Variants in EML6 observed in about 807,000 individuals in gnomAD.
The protein encoded by EML6 is EMAP like 6, also known as echinoderm microtubule-associated protein-like 6.
Under a neutral mutation model 240.1 loss-of-function variants are expected in EML6, and 154 were observed. That is an observed-to-expected ratio of 0.64 (90% confidence interval 0.56 to 0.73). The LOEUF is 0.73. EML6 is among the 30% of genes least tolerant of loss of function. EML6 has a pLI of 0.00. For missense variants in EML6, 2,964 were observed against 2,474.6 expected (o/e 1.20, Z -4.20); for synonymous variants, 1,148 against 899.0 (o/e 1.28, Z -4.95).
Position 54,951,413 on chromosome 2 carries a change from G to T in EML6, c.4213+634G>T, listed in dbSNP as rs1434570864. On this transcript the variant is annotated intron_variant, in intron 30 of 41. Transcript: ENST00000356458. ...CCAGGCATGGTGGCAGGTGCCTGTAGTCCCAGCTACTCAGGAAGCTGAGGC... is the reference window on the plus strand; with the variant it reads ...CCAGGCATGGTGGCAGGTGCCTGTATTCCCAGCTACTCAGGAAGCTGAGGC... Among the ~76,000 whole-genome samples, 4 of 151,958 alleles carry T rather than the reference G, an allele frequency of 2.6e-5. No homozygotes were observed. In the East Asian group the frequency reaches 5.8e-4, roughly 22 times the overall value.
chr2:54,732,403 C>T (rs1683214848), intron 2 of EML6, among the ~76,000 whole-genome samples: 1 of 152,024 alleles, frequency 6.6e-6, no homozygotes, highest in Non-Finnish European at 1.5e-5. Flanking sequence ...CCTATGTTTT[C>T]TTCTAAGAGT....
At chr2:54,734,562 G>A (rs1683311820) in intron 2 of EML6, among the ~76,000 whole-genome samples, 2 of 152,180 alleles carry the variant, frequency 1.3e-5, no homozygotes, top group Non-Finnish European at 2.9e-5. Flanking sequence ...GGGCGCAGAT[G>A]GAAATGAGGC....
intron 2 of EML6, among the ~76,000 whole-genome samples, chr2:54,809,016 A>G (rs997864544): frequency 2.0e-5 from 3 of 152,228 alleles, no homozygotes; most frequent in African/African-American, 7.2e-5. Flanking sequence ...TTGTTGCCAT[A>G]TATAAAATAC....
intron 11 of EML6, among the ~76,000 whole-genome samples, chr2:54,856,143 G>T (rs1037250603): frequency 6.6e-6 from 1 of 152,142 alleles, no homozygotes; most frequent in Non-Finnish European, 1.5e-5. Flanking sequence ...CTATGTTTAC[G>T]TAGCCAAACC....
intron 24 of EML6, among the ~76,000 whole-genome samples, chr2:54,908,882 A>G (rs1213839135): frequency 6.6e-6 from 1 of 152,070 alleles, no homozygotes; most frequent in Non-Finnish European, 1.5e-5. Flanking sequence ...GAGTATAAAC[A>G]TGACCGCGGG....
Position 54,967,116 on chromosome 2 carries a change from A to T in EML6, c.5597+13A>T, listed in dbSNP as rs1019569223. 1.3e-6 allele frequency: 2 copies of T among 1,532,988 alleles called. No homozygotes were observed. The highest frequency in any genetic ancestry group is 2.8e-5 in the African/African-American group (2 of 72,626). The allele number at this position is 1,532,988 out of a possible 1,614,324, so 95.0% of individuals were successfully genotyped here. On this transcript the variant is annotated intron_variant, in intron 39 of 41. Transcript: ENST00000356458. ...CCTCCTGGACAAGGTGACTGACTGGAAGAAAAAACTTGAGGAAAAGGTCAC... is the reference window on the plus strand; with the variant it reads ...CCTCCTGGACAAGGTGACTGACTGGTAGAAAAAACTTGAGGAAAAGGTCAC...
chr2:54,873,241 T>C (rs952764831), intron 16 of EML6, among the ~76,000 whole-genome samples: 4 of 152,206 alleles, frequency 2.6e-5, no homozygotes, highest in Non-Finnish European at 5.9e-5. Flanking sequence ...TGTAAATTAC[T>C]CTACAAATCT....
chr2:54,895,406 G>C lies in EML6; in HGVS notation c.2982+6G>C, dbSNP rs138835253. On this transcript the variant is annotated splice_donor_region_variant and intron_variant, in intron 21 of 41. Transcript: ENST00000356458. ...CAATGACACTGCTTGTTCAGGTACT[G>C]TTTGTATGTATTCTAAACTGCAGTT... The C allele has an allele frequency of 6.4e-7, 1 of 1,551,714 alleles. No homozygotes were observed. Among genetic ancestry groups the C allele is most frequent in the Non-Finnish European group, 8.7e-7 (1 of 1,146,854 alleles).
rs936586965 is a variant in EML6, at chr2:54,957,846, C to T, written c.4543C>T (p.Arg1515Cys). The T allele has an allele frequency of 1.5e-5, 24 of 1,550,596 alleles. No homozygotes were observed. The highest frequency in any genetic ancestry group is 7.8e-5 in the Admixed American group (4 of 50,984). Residue 1515 changes from arginine (R) to cysteine (C), a missense_variant, in exon 33 of 42, where the codon CGC (arginine) becomes TGC (cysteine). By Grantham distance (180) the Arg-to-Cys change is radical (BLOSUM62 -3). Transcript: ENST00000356458. ...GGAGCGCATATTTGTGGTGGAATTTCGCCCCGACTCAGACACGCAGTTTGT... is the reference window on the plus strand; with the variant it reads ...GGAGCGCATATTTGTGGTGGAATTTTGCCCCGACTCAGACACGCAGTTTGT... ...HLERIFVVEF[R>C]PDSDTQFVSV...
intron 2 of EML6, among the ~76,000 whole-genome samples, chr2:54,760,811 G>T (rs1372340060): frequency 1.4e-5 from 2 of 145,094 alleles, no homozygotes; most frequent in Non-Finnish European, 3.0e-5. Flanking sequence ...TTGCTTTGAA[G>T]TTGAGGGAGC....
At chr2:54,891,708 T>C (rs568143181) in intron 18 of EML6, among the ~76,000 whole-genome samples, 13 of 152,352 alleles carry the variant, frequency 8.5e-5, no homozygotes, top group African/African-American at 2.9e-4. Flanking sequence ...GTATCAGCTT[T>C]GGTGCCAAGC....
At chr2:54,897,515 G>T (rs1293449167) in intron 21 of EML6, among the ~76,000 whole-genome samples, 1 of 152,152 alleles carries the variant, frequency 6.6e-6, no homozygotes, top group African/African-American at 2.4e-5. Context: ...CTGCAGAGCT[G>T]GGATTCCAAC....
chr2:54,925,551 C>T (rs1674498585), intron 26 of EML6, among the ~76,000 whole-genome samples: 1 of 152,192 alleles, frequency 6.6e-6, no homozygotes, highest in Non-Finnish European at 1.5e-5. Context: ...TTCTACTTTC[C>T]TATGAGTGGG....
intron 13 of EML6, 23 bp from the exon 14 acceptor site, chr2:54,866,743 A>G (rs756702632): frequency 1.4e-6 from 2 of 1,429,630 alleles, no homozygotes; most frequent in Non-Finnish European, 1.9e-6. Flanking sequence ...CATCTCACCC[A>G]GATGTTTCTG....
rs1222324654 is a variant in EML6 at position 54,827,734 on chromosome 2, A to T, written c.694A>T (p.Ile232Phe). Residue 232 changes from isoleucine (I) to phenylalanine (F), a missense_variant, in exon 6 of 42, where the codon ATT (isoleucine) becomes TTT (phenylalanine). Coordinates refer to ENST00000356458, the MANE Select transcript of EML6 (RefSeq NM_001039753.4). ...GAAAGGGCTCAATTTAGTCCGCACC[A>T]TTCAAGGAGCACATAGTGTAAGTAT... ...VWKGLNLVRT[I>F]QGAHSAGIFS... 3.9e-6 allele frequency: 6 copies of T among 1,551,414 alleles called. No homozygotes were observed. In the South Asian group the frequency reaches 4.8e-5, roughly 12 times the overall value.
chr2:54,815,868 C>G (rs1010697571), intron 3 of EML6, among the ~76,000 whole-genome samples: 14 of 152,186 alleles, frequency 9.2e-5, no homozygotes, highest in Non-Finnish European at 1.9e-4. Flanking sequence ...ACTCAGTACT[C>G]ACACACTCTT....
intron 28 of EML6, among the ~76,000 whole-genome samples, chr2:54,938,804 C>T (rs1367203932): frequency 6.6e-6 from 1 of 152,162 alleles, no homozygotes; most frequent in African/African-American, 2.4e-5. Flanking sequence ...TTCTGTTTTG[C>T]CAAGTCTGAG....
chr2:54,736,704 C>A (rs1384688869), intron 2 of EML6, among the ~76,000 whole-genome samples: 1 of 152,182 alleles, frequency 6.6e-6, no homozygotes, highest in Non-Finnish European at 1.5e-5. Context: ...ATCACCTTCT[C>A]CTCAGTGCCT....
intron 2 of EML6, among the ~76,000 whole-genome samples, chr2:54,792,680 T>C (rs1242945731): frequency 1.3e-5 from 2 of 152,220 alleles, no homozygotes; most frequent in Non-Finnish European, 2.9e-5. Context: ...TATACCTCAA[T>C]TTAAAAATGT....
Sources: gnomAD v4.1 joint callset for allele counts (sites outside exome capture counted in the v4.1 genomes callset) on GRCh38, gnomAD v4.1.1 for gene constraint, MANE v1.5 for transcripts, NCBI Gene and HGNC (gene_info 2026-07-23, HGNC 2026-07-21) for gene names.